Variants in CCDC110 observed in about 807,000 individuals in gnomAD.
CCDC110 encodes the protein coiled-coil domain-containing protein 110.
CCDC110 carries 70 observed loss-of-function variants against 77.1 expected under a neutral mutation model. The observed-to-expected ratio is 0.91, with a 90% CI of 0.75 to 1.11. CCDC110 has a LOEUF of 1.11. Among genes scored for constraint, CCDC110 ranks in the 50% least tolerant of loss-of-function variants. CCDC110 has a pLI of 0.00. For missense variants in CCDC110, 868 were observed against 942.9 expected (o/e 0.92, Z 1.04); for synonymous variants, 295 against 312.5 (o/e 0.94, Z 0.59).
intron 2 of CCDC110, among the ~76,000 whole-genome samples, chr4:185,464,573 T>C (rs2095652141): frequency 6.6e-6 from 1 of 152,182 alleles, no homozygotes; most frequent in Non-Finnish European, 1.5e-5. Context: ...ACAACGTTTT[T>C]CAGACTCTAA....
intron 2 of CCDC110, among the ~76,000 whole-genome samples, chr4:185,463,541 A>T (rs972365566): frequency 6.6e-6 from 1 of 152,234 alleles, no homozygotes; most frequent in African/African-American, 2.4e-5. Flanking sequence ...GCAGTTTCAC[A>T]TTCACAGTCT....
chr4:185,458,439 C>G lies in CCDC110; in HGVS notation c.2148G>C (p.Gln716His). The change falls in exon 6 of 7, where the codon CAG becomes CAC. Residue 716 changes from glutamine (Q) to histidine (H), a missense_variant. Coordinates refer to ENST00000307588, the MANE Select transcript of CCDC110 (RefSeq NM_152775.4). Reference sequence around the variant, plus strand: ...GTTTCTTTAGTTCTTCTTTTAGAATCTGATTATCTGTTTTGGTTTCCATTA... The same window carrying G: ...GTTTCTTTAGTTCTTCTTTTAGAATGTGATTATCTGTTTTGGTTTCCATTA... The part of the protein sequence containing the change: ...KMVMETKTDN[Q>H]ILKEELKKHS... The G allele has an allele frequency of 1.3e-6, 2 of 1,597,608 alleles. No homozygotes were observed. Among genetic ancestry groups the G allele is most frequent in the Non-Finnish European group, 1.7e-6 (2 of 1,174,308 alleles).
chr4:185,445,607 A>T, intron 6 of CCDC110, 65 bp from the exon 7 acceptor site: 2 of 1,034,114 alleles, frequency 1.9e-6, no homozygotes, highest in Non-Finnish European at 2.9e-6. Context: ...CTTTGAGAAA[A>T]AGTATATTAT....
chr4:185,445,430 C>A lies in CCDC110; in HGVS notation c.*72G>T, dbSNP rs947970710. ...AGTCATTTGAGATGAGTTAGATATG[C>A]ATAGTTCAGTTAGCAGTACAATTAA... is the stretch of plus-strand genomic sequence containing the variant. On this transcript the variant is annotated 3_prime_UTR_variant, in exon 7 of 7. Coordinates refer to ENST00000307588, the MANE Select transcript of CCDC110 (RefSeq NM_152775.4). 39 of 1,062,440 alleles carry A rather than the reference C, an allele frequency of 3.7e-5. No individual in the cohort carries two copies. Among genetic ancestry groups the A allele is most frequent in the Non-Finnish European group, 2.8e-6 (2 of 703,228 alleles). The allele number at this position is 1,062,440 out of a possible 1,614,324, so 65.8% of individuals were successfully genotyped here. A position where few individuals can be genotyped will look rare whatever the true frequency, so the allele number is the denominator to read the frequency against.
intron 5 of CCDC110, 132 bp from the exon 6 acceptor site, chr4:185,460,370 C>T: frequency 1.7e-6 from 1 of 601,230 alleles, no homozygotes; most frequent in Non-Finnish European, 2.8e-6. Context: ...AGCAAAGGAG[C>T]ATAACAAGTA....
At chr4:185,457,285 T>C (rs1157189726) in intron 6 of CCDC110, 1 of 456,236 alleles carries the variant, frequency 2.2e-6, no homozygotes, top group Admixed American at 2.3e-5. Context: ...AAGCTAGAGA[T>C]TGTGTTTCCT....
intron 2 of CCDC110, among the ~76,000 whole-genome samples, chr4:185,466,571 A>ATT (rs113965292): frequency 7.3e-5 from 11 of 150,506 alleles, no homozygotes; most frequent in African/African-American, 2.2e-4. Flanking sequence ...GTCAAGAGGG[A>ATT]TTTTTTTTCT....
chr4:185,451,912 A>C (rs1312405795), intron 6 of CCDC110, among the ~76,000 whole-genome samples: 1 of 152,250 alleles, frequency 6.6e-6, no homozygotes, highest in African/African-American at 2.4e-5. Context: ...GGGTTTAAGC[A>C]GTAGTGTGAC....
intron 6 of CCDC110, among the ~76,000 whole-genome samples, chr4:185,456,496 G>T (rs1209891467): frequency 6.6e-6 from 1 of 151,888 alleles, no homozygotes; most frequent in African/African-American, 2.4e-5. Flanking sequence ...AAATAAAATT[G>T]GTAAAACTCT....
At chr4:185,471,596 G>A (rs758896695) in intron 1 of CCDC110, 78 bp downstream of exon 1, 29 of 1,474,016 alleles carry the variant, frequency 2.0e-5, no homozygotes, top group Middle Eastern at 1.8e-4. Flanking sequence ...TTCGAGCGGG[G>A]AGCCGCCTGC....
At chr4:185,447,206 G>A (rs556210480) in intron 6 of CCDC110, among the ~76,000 whole-genome samples, 69 of 149,964 alleles carry the variant, frequency 4.6e-4, no homozygotes, top group Middle Eastern at 3.4e-3. Flanking sequence ...TTTTGAGACG[G>A]AGTCTCACTC....
rs139430376 is a variant in CCDC110, at chr4:185,464,265, AC to A, written c.116-1217del. ...GAGAAGCCGCTTGCAAAGTACAGGC[AC>A]CCCTTCTGCTCTCTGACCCTCACCA... On this transcript the variant is annotated intron_variant, in intron 2 of 6. Coordinates refer to ENST00000307588, the MANE Select transcript of CCDC110 (RefSeq NM_152775.4). Among the ~76,000 whole-genome samples the A allele has an allele frequency of 1.9e-3, 283 of 152,142 alleles. 2 individuals are homozygous for A. Among genetic ancestry groups the A allele is most frequent in the African/African-American group, 6.6e-3 (274 of 41,522 alleles).
Position 185,468,021 on chromosome 4 carries a change from G to A in CCDC110, c.115+2924C>T, listed in dbSNP as rs1171876911. Among the ~76,000 whole-genome samples the A allele has an allele frequency of 1.3e-5, 2 of 152,104 alleles. No homozygotes were observed. Among genetic ancestry groups the A allele is most frequent in the East Asian group, 1.9e-4 (1 of 5,178 alleles). On this transcript the variant is annotated intron_variant, in intron 2 of 6. Coordinates refer to ENST00000307588, the MANE Select transcript of CCDC110 (RefSeq NM_152775.4). This position sits in a 1 kb window ranked among gnomAD's most constrained non-coding sequence, Gnocchi z 4.5. ...TGACCTCAGGTGATCCTCCTGCCTC[G>A]GTCTCCCAAAATGCTGGGATTACAG... is the stretch of plus-strand genomic sequence containing the variant.
intron 6 of CCDC110, chr4:185,449,933 T>G (rs2095626223): frequency 8.5e-6 from 2 of 234,368 alleles, no homozygotes; most frequent in Non-Finnish European, 1.6e-5. Flanking sequence ...TTACTGCTAA[T>G]GTTAAAAAAT....
rs1304094628 is a variant in CCDC110 at position 185,458,528 on chromosome 4, C to T, written c.2059G>A (p.Ala687Thr). The T allele has an allele frequency of 1.2e-6, 2 of 1,608,190 alleles. No homozygotes were observed. Among genetic ancestry groups the T allele is most frequent in the East Asian group, 2.2e-5 (1 of 44,668 alleles). Residue 687 changes from alanine (A) to threonine (T), a missense_variant, in exon 6 of 7, where the codon GCA becomes ACA. Physicochemically the swap from Ala to Thr is moderately conservative, Grantham distance 58. Coordinates refer to ENST00000307588, the MANE Select transcript of CCDC110 (RefSeq NM_152775.4). ...LQEIKNAKSE[A>T]SIYKNSLSEI... is the part of the protein sequence containing the mutation. ...GACAAGCTATTCTTATAAATACTTG[C>T]TTCTGATTTTGCATTTTTTATTTCT...
At chr4:185,449,412 T>C (rs530540137) in intron 6 of CCDC110, among the ~76,000 whole-genome samples, 3 of 152,156 alleles carry the variant, frequency 2.0e-5, no homozygotes, top group South Asian at 2.1e-4. Context: ...TTTCAGCTAC[T>C]TGGGCGGCCG....
At chr4:185,463,121 C>T (rs1490919265) in intron 2 of CCDC110, 72 bp from the exon 3 acceptor site, 2 of 1,168,142 alleles carry the variant, frequency 1.7e-6, no homozygotes, top group Non-Finnish European at 2.5e-6. Context: ...TAATAGAAAG[C>T]AGTCTCCTAA....
chr4:185,457,617 G>T, intron 6 of CCDC110: 2 of 540,786 alleles, frequency 3.7e-6, no homozygotes, highest in South Asian at 3.0e-5. Context: ...CACCGTTCTT[G>T]ACAGTATAAA....
At position 185,469,069 on chromosome 4, in the gene CCDC110, G is replaced by A. The variant is rs116297742; in HGVS notation, c.115+1876C>T. On this transcript the variant is annotated intron_variant, in intron 2 of 6. Transcript: ENST00000307588. ...GTCTCTCACAAACCCATTCCAATAA[G>A]GGTTAATTAGGTTAACCACTAGTTC... Among the ~76,000 whole-genome samples, 616 of 152,324 alleles carry A rather than the reference G, an allele frequency of 4.0e-3. 11 individuals are homozygous for A. The highest frequency in any genetic ancestry group is 0.014 in the African/African-American group (583 of 41,564).
Sources: allele counts gnomAD v4.1 joint callset (sites outside exome capture counted in the v4.1 genomes callset), GRCh38; gene constraint gnomAD v4.1.1; non-coding constraint Gnocchi (gnomAD v3.1); transcripts MANE v1.5; gene names NCBI Gene and HGNC (gene_info 2026-07-23, HGNC 2026-07-21).